The following KIF27 variants were observed in gnomAD, a reference collection of about 807,000 sequenced individuals.
The protein encoded by KIF27 is kinesin-like protein KIF27.
In KIF27, 84 loss-of-function variants were observed where a neutral mutation model predicts 141.8. The observed-to-expected ratio is 0.59, with a 90% confidence interval of 0.50 to 0.71. The LOEUF (loss-of-function observed/expected upper bound fraction) is 0.71, where lower values mean the gene tolerates loss of function less well. Among genes scored for constraint, KIF27 ranks in the 30% least tolerant of loss-of-function variants. The probability of loss-of-function intolerance (pLI) is 0.00; values close to 1 mark genes in which losing one functional copy is unlikely to be tolerated. For synonymous variants in KIF27, 471 were observed against 569.5 expected (o/e 0.83, Z 2.46); for missense variants, 1,306 against 1,628.4 (o/e 0.80, Z 3.41).
intron 13 of KIF27, among the ~76,000 whole-genome samples, chr9:83,866,833 G>A (rs554123918): frequency 5.9e-5 from 9 of 151,600 alleles, no homozygotes; most frequent in South Asian, 2.1e-4. Context: ...CACAGATCGC[G>A]CCACTGCACT....
chr9:83,853,970 T>C, intron 14 of KIF27, 135 bp from the exon 15 acceptor site: 1 of 670,840 alleles, frequency 1.5e-6, no homozygotes, highest in East Asian at 2.7e-5. Context: ...AAATGTTTTT[T>C]GAGCGCTTGC....
At chr9:83,896,051 C>CAAA (rs35504224) in intron 5 of KIF27, among the ~76,000 whole-genome samples, 51 of 54,400 alleles carry the variant, frequency 9.4e-4, no homozygotes, top group African/African-American at 2.4e-3. Flanking sequence ...GACTCTGTCT[C>CAAA]AAAAAAAAAA....
rs1251707516 is a variant in KIF27 at position 83,834,453 on chromosome 9, A to C, written c.*2548T>G. ...TATATGTTTAACCAAAAGGAAGAAA[A>C]ACACCATACCTTTGTTATTTAGAAA... On this transcript the variant is annotated 3_prime_UTR_variant, in exon 18 of 18. Coordinates refer to ENST00000297814, the MANE Select transcript of KIF27 (RefSeq NM_017576.4). Among the ~76,000 whole-genome samples the C allele has an allele frequency of 6.6e-6, 1 of 152,130 alleles. No individual in the cohort carries two copies. The highest frequency in any genetic ancestry group is 1.5e-5 in the Non-Finnish European group (1 of 67,962).
chr9:83,918,807 G>C (rs1047201323), intron 1 of KIF27, among the ~76,000 whole-genome samples: 1 of 152,152 alleles, frequency 6.6e-6, no homozygotes, highest in African/African-American at 2.4e-5. Flanking sequence ...CAGGCGCAGT[G>C]GCTCAAACCT....
chr9:83,889,367 A>T lies in KIF27; in HGVS notation c.1810-114T>A. ...GTTATTAGATTGGCACTCTTAAAAT[A>T]GCCAATCACTGGAAAATGCTCCCCT... On this transcript the variant is annotated intron_variant, in intron 6 of 17. Coordinates refer to ENST00000297814, the MANE Select transcript of KIF27 (RefSeq NM_017576.4). The T allele has an allele frequency of 3.6e-6, 3 of 837,208 alleles. No homozygotes were observed. The South Asian group carries it at 7.8e-5, about 22-fold the overall frequency. 51.9% of individuals were successfully genotyped at this position (837,208 alleles called of 1,614,324 possible). A position where few individuals can be genotyped will look rare whatever the true frequency, so the allele number is the denominator to read the frequency against.
intron 2 of KIF27, among the ~76,000 whole-genome samples, chr9:83,908,893 G>A (rs1954853749): frequency 6.6e-6 from 1 of 151,958 alleles, no homozygotes; most frequent in South Asian, 2.1e-4. Flanking sequence ...CTGAGTAGCT[G>A]GGATTACAGA....
chr9:83,891,359 G>C lies in KIF27; in HGVS notation c.1745C>G (p.Thr582Ser). 1 of 1,613,548 alleles carries C rather than the reference G, an allele frequency of 6.2e-7. No homozygotes were observed. The highest frequency in any genetic ancestry group is 8.5e-7 in the Non-Finnish European group (1 of 1,179,572). ...CCCCAAATGAGTATCAAATGGTACAGTATATGGTCTCCTTTCAGGGATCCT... is the reference window on the plus strand; with the variant it reads ...CCCCAAATGAGTATCAAATGGTACACTATATGGTCTCCTTTCAGGGATCCT... ...DARIPERRPY[T>S]VPFDTHLGHY... is the part of the protein sequence containing the mutation. The change falls in exon 6 of 18, where the codon ACT becomes AGT. Residue 582 changes from threonine (T) to serine (S), a missense_variant. Coordinates refer to ENST00000297814, the MANE Select transcript of KIF27 (RefSeq NM_017576.4).
At chr9:83,840,636 G>A (rs1264871538) in intron 17 of KIF27, among the ~76,000 whole-genome samples, 1 of 151,930 alleles carries the variant, frequency 6.6e-6, no homozygotes, top group Non-Finnish European at 1.5e-5. Context: ...AGCTAAAGTG[G>A]TCTTATGTTG....
chr9:83,859,799 C>A (rs1482485744), intron 13 of KIF27: 2 of 158,428 alleles, frequency 1.3e-5, no homozygotes, highest in African/African-American at 4.9e-5. Flanking sequence ...CCCCAAAGTT[C>A]TGAGATTACA....
In KIF27 at chr9:83,842,241, T is replaced by C. The variant is rs760552737; in HGVS notation, c.3717A>G (p.Ser1239=). 6.4e-7 allele frequency: 1 copy of C among 1,555,508 alleles called. No homozygotes were observed. The highest frequency in any genetic ancestry group is 1.4e-5 in the African/African-American group (1 of 71,032). The change falls in exon 17 of 18, where the codon TCA becomes TCG. Residue 1239 remains serine (S), a synonymous_variant. Transcript: ENST00000297814. ...GEAIRRQLAP[S]EYQEAGDGVL... is the part of the protein sequence containing the mutation. ...TGACAACACTAAAAGTCTTACACTCTGATGGTGCTAGTTGCCGCCGAATTG... is the reference window on the plus strand; with the variant it reads ...TGACAACACTAAAAGTCTTACACTCCGATGGTGCTAGTTGCCGCCGAATTG...
At position 83,853,949 on chromosome 9, in the gene KIF27, A is replaced by T. The variant is rs1239477547; in HGVS notation, c.3151-114T>A. 5 of 768,678 alleles carry T rather than the reference A, an allele frequency of 6.5e-6. No homozygotes were observed. The Admixed American group carries it at 1.1e-4, about 16-fold the overall frequency. 47.6% of individuals were successfully genotyped at this position (768,678 alleles called of 1,614,324 possible). ...TAATGGATATTACCACTCTTGTACT[A>T]GATTTTAAGAAAATGTTTTTTGAGC... On this transcript the variant is annotated intron_variant, in intron 14 of 17. Coordinates refer to ENST00000297814, the MANE Select transcript of KIF27 (RefSeq NM_017576.4).
At chr9:83,914,121 T>C (rs1034691057) in intron 2 of KIF27, among the ~76,000 whole-genome samples, 2 of 151,180 alleles carry the variant, frequency 1.3e-5, no homozygotes, top group Admixed American at 1.3e-4. Flanking sequence ...AAAAGATAGC[T>C]ATAATTAAGT....
intron 1 of KIF27, among the ~76,000 whole-genome samples, chr9:83,916,977 T>A (rs1010486455): frequency 1.3e-5 from 2 of 152,020 alleles, no homozygotes; most frequent in East Asian, 1.9e-4. Context: ...ACTCTTTTTT[T>A]TTTAAATATA....
At chr9:83,884,888 T>C (rs1255541416) in intron 9 of KIF27, among the ~76,000 whole-genome samples, 1 of 152,202 alleles carries the variant, frequency 6.6e-6, no homozygotes. Context: ...CCTTTTAAAT[T>C]CTTTTCTTAT....
Position 83,848,160 on chromosome 9 carries a change from A to ATCTGATATATCTGATATATCATATATC in KIF27, c.3556+1938_3556+1939insGATATATGATATATCAGATATATCAGA, listed in dbSNP as rs796669934. On this transcript the variant is annotated intron_variant, in intron 16 of 17. Coordinates refer to ENST00000297814, the MANE Select transcript of KIF27 (RefSeq NM_017576.4). Reference sequence around the variant, plus strand: ...ATATGATATATCTGATATATCATATATGATATATCTGATATATCATATATG... The same window carrying ATCTGATATATCTGATATATCATATATC: ...ATATGATATATCTGATATATCATATATCTGATATATCTGATATATCATATATCTGATATATCTGATATATCATATATG... Among the ~76,000 whole-genome samples, 4 of 42,956 alleles carry ATCTGATATATCTGATATATCATATATC rather than the reference A, an allele frequency of 9.3e-5. 2 individuals are homozygous for ATCTGATATATCTGATATATCATATATC. Among genetic ancestry groups the ATCTGATATATCTGATATATCATATATC allele is most frequent in the African/African-American group, 9.0e-4 (4 of 4,462 alleles). The allele number at this position is 42,956 out of a possible 152,430, so 28.2% of individuals were successfully genotyped here.
chr9:83,901,428 A>AT (rs1160238328), intron 4 of KIF27, among the ~76,000 whole-genome samples: 28 of 152,250 alleles, frequency 1.8e-4, no homozygotes, highest in African/African-American at 6.5e-4. Flanking sequence ...AAACTATACA[A>AT]TTATGAGGCT....
intron 5 of KIF27, among the ~76,000 whole-genome samples, chr9:83,898,459 G>C (rs1346720562): frequency 1.3e-5 from 2 of 152,092 alleles, no homozygotes; most frequent in Non-Finnish European, 2.9e-5. Context: ...GCAAAGAAAT[G>C]ATTACCATGT....
At chr9:83,880,245 G>T (rs973805995) in intron 11 of KIF27, 52 bp downstream of exon 11, 2 of 1,611,120 alleles carry the variant, frequency 1.2e-6, no homozygotes, top group African/African-American at 2.7e-5. Flanking sequence ...CGTTAGCTCT[G>T]AGCCGTTTAA....
At chr9:83,838,319 C>T (rs563017405) in intron 17 of KIF27, among the ~76,000 whole-genome samples, 1 of 152,210 alleles carries the variant, frequency 6.6e-6, no homozygotes, top group East Asian at 1.9e-4. Context: ...CTGCAAGCTC[C>T]GCTTCCTGGG....
Sources: allele counts gnomAD v4.1 joint callset (sites outside exome capture counted in the v4.1 genomes callset), GRCh38; gene constraint gnomAD v4.1.1; transcripts MANE v1.5; gene names NCBI Gene and HGNC (gene_info 2026-07-23, HGNC 2026-07-21).